PLEKHA7: variants seen among roughly 807,000 people sequenced by gnomAD.
The protein encoded by PLEKHA7 is pleckstrin homology domain containing A7.
PLEKHA7 carries 104 observed loss-of-function variants against 170.0 expected under a neutral mutation model. The observed-to-expected ratio is 0.61, with a 90% CI of 0.52 to 0.72. The LOEUF (loss-of-function observed/expected upper bound fraction) is 0.72, where lower values mean the gene tolerates loss of function less well. Ranked by LOEUF, PLEKHA7 falls within the 30% of genes least tolerant of loss-of-function variation. The pLI, the probability that PLEKHA7 is intolerant of heterozygous loss-of-function variation, is 0.00. For missense variants in PLEKHA7, 1,615 were observed against 1,671.7 expected, an observed-to-expected ratio of 0.97 and a Z score of 0.59; for synonymous variants, 648 against 660.8, an observed-to-expected ratio of 0.98 and a Z score of 0.30.
intron 3 of PLEKHA7, among the ~76,000 whole-genome samples, chr11:16,976,404 T>C (rs1863066462): frequency 6.6e-6 from 1 of 152,196 alleles, no homozygotes. Flanking sequence ...TCCCCTTGTT[T>C]CCTCCAGCAC....
intron 3 of PLEKHA7, among the ~76,000 whole-genome samples, chr11:16,959,406 G>A (rs1387385613): frequency 6.6e-6 from 1 of 152,160 alleles, no homozygotes; most frequent in Non-Finnish European, 1.5e-5. Context: ...TCTTGTGTGT[G>A]CCAGATTACC....
At chr11:16,786,945 G>C in intron 23 of PLEKHA7, 1 of 985,374 alleles carries the variant, frequency 1.0e-6, no homozygotes, top group Non-Finnish European at 1.2e-6. Context: ...CAATGAGGCA[G>C]AAAAACTGCT....
chr11:16,872,848 T>A (rs1337549368), intron 3 of PLEKHA7, among the ~76,000 whole-genome samples: 2 of 152,152 alleles, frequency 1.3e-5, no homozygotes, highest in Non-Finnish European at 2.9e-5. Context: ...AGTTGTCTAC[T>A]GGGCACCCAT....
intron 3 of PLEKHA7, among the ~76,000 whole-genome samples, chr11:16,940,815 A>G (rs1007965196): frequency 5.3e-5 from 8 of 151,930 alleles, no homozygotes; most frequent in Admixed American, 5.2e-4. Flanking sequence ...AAAGGGGAGG[A>G]GTGATGGAGC....
At chr11:16,859,727 G>A (rs957796453) in intron 4 of PLEKHA7, among the ~76,000 whole-genome samples, 2 of 152,160 alleles carry the variant, frequency 1.3e-5, no homozygotes, top group East Asian at 1.9e-4. Context: ...CCTAAGAACC[G>A]AGTCTCATCT....
At chr11:16,881,567 T>C (rs1855716483) in intron 3 of PLEKHA7, 1 of 152,198 alleles carries the variant, frequency 6.6e-6, no homozygotes, top group African/African-American at 2.4e-5. Flanking sequence ...GAGCAGTGGC[T>C]AGAGGTAATC....
chr11:16,781,977 TG>T (rs2134114425), intron 26 of PLEKHA7, among the ~76,000 whole-genome samples: 1 of 152,018 alleles, frequency 6.6e-6, no homozygotes, highest in South Asian at 2.1e-4. Flanking sequence ...GGGTGAATTG[TG>T]AAGGCACAAG....
At chr11:16,795,276 G>C (rs552730468) in intron 17 of PLEKHA7, 1 of 470,694 alleles carries the variant, frequency 2.1e-6, no homozygotes, top group African/African-American at 2.0e-5. Context: ...ACAGACTGCC[G>C]TAAACACTGT....
intron 19 of PLEKHA7, among the ~76,000 whole-genome samples, chr11:16,793,572 C>A (rs555334991): frequency 6.6e-6 from 1 of 152,366 alleles, no homozygotes; most frequent in South Asian, 2.1e-4. Context: ...CTCCTCCAAG[C>A]CTTTGTTGGC....
intron 3 of PLEKHA7, among the ~76,000 whole-genome samples, chr11:16,984,498 C>T (rs372863913): frequency 5.9e-5 from 9 of 152,280 alleles, no homozygotes; most frequent in African/African-American, 1.9e-4. Flanking sequence ...GCTCCATCCA[C>T]TCTGGCCTCC....
At chr11:16,898,942 T>C (rs1857158055) in intron 3 of PLEKHA7, among the ~76,000 whole-genome samples, 1 of 152,170 alleles carries the variant, frequency 6.6e-6, no homozygotes, top group South Asian at 2.1e-4. Flanking sequence ...TGAAAAACAT[T>C]TTTAAAGGCC....
At chr11:16,811,112 G>T (rs528364755) in intron 13 of PLEKHA7, among the ~76,000 whole-genome samples, 2 of 152,102 alleles carry the variant, frequency 1.3e-5, no homozygotes, top group East Asian at 3.9e-4. Context: ...CTTTAATCCC[G>T]CATAGCTCAA....
chr11:16,925,042 T>C (rs1301177674), intron 3 of PLEKHA7, among the ~76,000 whole-genome samples: 1 of 152,120 alleles, frequency 6.6e-6, no homozygotes, highest in Non-Finnish European at 1.5e-5. Context: ...CAAGTGTGGG[T>C]GTAGAGGAAG....
At chr11:16,964,508 C>T (rs1180496016) in intron 3 of PLEKHA7, among the ~76,000 whole-genome samples, 1 of 152,200 alleles carries the variant, frequency 6.6e-6, no homozygotes, top group Admixed American at 6.5e-5. Context: ...AACAGCCTTT[C>T]CCTCATACCC....
intron 3 of PLEKHA7, among the ~76,000 whole-genome samples, chr11:16,990,155 AAC>A (rs1292591600): frequency 6.6e-6 from 1 of 151,712 alleles, no homozygotes; most frequent in Non-Finnish European, 1.5e-5. Flanking sequence ...CTTCATTTAA[AAC>A]ATTCTCTCAA....
At chr11:16,861,433 G>A (rs956736834) in intron 4 of PLEKHA7, among the ~76,000 whole-genome samples, 2 of 151,806 alleles carry the variant, frequency 1.3e-5, no homozygotes, top group Non-Finnish European at 2.9e-5. Flanking sequence ...CAAGCGGATC[G>A]CTTGAGCTAA....
intron 13 of PLEKHA7, 37 bp from the exon 14 acceptor site, chr11:16,803,332 G>T (rs201698920): frequency 6.3e-7 from 1 of 1,582,270 alleles, no homozygotes; most frequent in Admixed American, 1.7e-5. Context: ...TTTAACCATG[G>T]TGTTTGAGAT....
At position 16,789,141 on chromosome 11, in the gene PLEKHA7, G is replaced by C. The variant is rs1849610018; in HGVS notation, c.3312C>G (p.Pro1104=). Residue 1104 remains proline (P), a synonymous_variant, in exon 23 of 27, where the codon CCC becomes CCG. Coordinates refer to ENST00000531066, the MANE Select transcript of PLEKHA7 (RefSeq NM_001329630.2). The surrounding 1 kb of genome is among the most constrained non-coding windows in gnomAD (Gnocchi z 4.6). Reference sequence around the variant, plus strand: ...GCGGCCGGCTGAGGTAGCGAGATGAGGGCAGGCCCGTCCTCTCCCCTTGGC... The same window carrying C: ...GCGGCCGGCTGAGGTAGCGAGATGACGGCAGGCCCGTCCTCTCCCCTTGGC... ...TLGQGERTGL[P]SSRYLSRPLP... 6 of 1,609,902 alleles carry C rather than the reference G, an allele frequency of 3.7e-6. No individual in the cohort carries two copies. Among genetic ancestry groups the C allele is most frequent in the Non-Finnish European group, 5.1e-6 (6 of 1,180,010 alleles).
intron 4 of PLEKHA7, among the ~76,000 whole-genome samples, chr11:16,858,402 G>T (rs1482646715): frequency 6.6e-6 from 1 of 152,132 alleles, no homozygotes; most frequent in Non-Finnish European, 1.5e-5. Flanking sequence ...TCTGTAGGAC[G>T]AAGAAAAGAC....
Sources: allele counts gnomAD v4.1 joint callset (sites outside exome capture counted in the v4.1 genomes callset), GRCh38; gene constraint gnomAD v4.1.1; non-coding constraint Gnocchi (gnomAD v3.1); transcripts MANE v1.5; gene names NCBI Gene and HGNC (gene_info 2026-07-23, HGNC 2026-07-21).